PACS2: variants seen among roughly 807,000 people sequenced by gnomAD.
PACS2 encodes the protein phosphofurin acidic cluster sorting protein 2.
Under a neutral mutation model 113.0 loss-of-function variants are expected in PACS2, and 36 were observed. The ratio of observed to expected loss-of-function variants is 0.32; its 90% CI spans 0.24 to 0.42. The LOEUF (loss-of-function observed/expected upper bound fraction) is 0.42, where lower values mean the gene tolerates loss of function less well. Among genes scored for constraint, PACS2 ranks in the 10% least tolerant of loss-of-function variants. The pLI, the probability that PACS2 is intolerant of heterozygous loss-of-function variation, is 1.00. For synonymous variants in PACS2, 589 were observed against 536.1 expected (o/e 1.10, Z -1.36); for missense variants, 1,015 against 1,239.5 (o/e 0.82, Z 2.72).
In PACS2 at chr14:105,356,139, G is replaced by A. The variant is rs1297688299; in HGVS notation, c.423+962G>A. On this transcript the variant is annotated intron_variant, in intron 4 of 24. Transcript: ENST00000447393. This position sits in a 1 kb window ranked among gnomAD's most constrained non-coding sequence, Gnocchi z 4.0. ...TGGGGCTTGGGGCTGGGACAGTGGG[G>A]GTGCCCACTTGTAGCTGGTTCCCCC... is the stretch of plus-strand genomic sequence containing the variant. 6.6e-6 allele frequency among the ~76,000 whole-genome samples: 1 copy of A among 152,090 alleles called. No homozygotes were observed. Among genetic ancestry groups the A allele is most frequent in the African/African-American group, 2.4e-5 (1 of 41,410 alleles).
At position 105,320,125 on chromosome 14, in the gene PACS2, G is replaced by A. The variant is rs587610040; in HGVS notation, c.119+5088G>A. ...CCCAAGTAGCTGGGACTACAGGTGT[G>A]CACCACCACGCCCAGCGAATTTTTG... On this transcript the variant is annotated intron_variant, in intron 1 of 24. Coordinates refer to ENST00000447393, the MANE Select transcript of PACS2 (RefSeq NM_001100913.3). Among the ~76,000 whole-genome samples, 28 of 151,606 alleles carry A rather than the reference G, an allele frequency of 1.8e-4. No individual in the cohort carries two copies. In the South Asian group the frequency reaches 5.9e-3, roughly 32 times the overall value.
chr14:105,368,554 C>T lies in PACS2; in HGVS notation c.741+15C>T, dbSNP rs587625642. On this transcript the variant is annotated intron_variant, in intron 7 of 24. Coordinates refer to ENST00000447393, the MANE Select transcript of PACS2 (RefSeq NM_001100913.3). ...CCATGACCAGGGTTGGTGGAGACTGCTTCTATGAATGCTGGGGAAGGCGAG... is the reference window on the plus strand; with the variant it reads ...CCATGACCAGGGTTGGTGGAGACTGTTTCTATGAATGCTGGGGAAGGCGAG... 1 of 1,601,372 alleles carries T rather than the reference C, an allele frequency of 6.2e-7. No individual in the cohort carries two copies. The highest frequency in any genetic ancestry group is 1.1e-5 in the South Asian group (1 of 90,838).
At position 105,349,196 on chromosome 14, in the gene PACS2, C is replaced by T. The variant is rs78972882; in HGVS notation, c.207+616C>T. Among the ~76,000 whole-genome samples, 1,092 of 152,358 alleles carry T rather than the reference C, an allele frequency of 7.2e-3. 7 individuals carry two copies. Among genetic ancestry groups the T allele is most frequent in the African/African-American group, 0.025 (1,036 of 41,592 alleles). On this transcript the variant is annotated intron_variant, in intron 2 of 24. Transcript: ENST00000447393. ...CCAGTGGCCCAGACAGGGAGGTGTC[C>T]CCGCCAACTGTCAGGGCCACCCCTG...
intron 1 of PACS2, among the ~76,000 whole-genome samples, chr14:105,338,385 C>T (rs587598767): frequency 2.6e-5 from 4 of 152,296 alleles, no homozygotes; most frequent in Admixed American, 1.3e-4. Flanking sequence ...TTCCTTCTCC[C>T]GGAAGTCCCT....
rs1320855343 is a variant in PACS2 at position 105,324,562 on chromosome 14, G to A, written c.119+9525G>A. On this transcript the variant is annotated intron_variant, in intron 1 of 24. Coordinates refer to ENST00000447393, the MANE Select transcript of PACS2 (RefSeq NM_001100913.3). The surrounding 1 kb of genome is among the most constrained non-coding windows in gnomAD (Gnocchi z 4.7). ...CCTAAAAATAGCCGAGCGCTGAGAG[G>A]CCGTCCCTTTCTGCTCCGCAGGCGC... is the stretch of plus-strand genomic sequence containing the variant. Among the ~76,000 whole-genome samples, 1 of 152,212 alleles carries A rather than the reference G, an allele frequency of 6.6e-6. No homozygotes were observed. Among genetic ancestry groups the A allele is most frequent in the African/African-American group, 2.4e-5 (1 of 41,460 alleles).
At chr14:105,333,839 C>G (rs2059397373) in intron 1 of PACS2, among the ~76,000 whole-genome samples, 1 of 152,212 alleles carries the variant, frequency 6.6e-6, no homozygotes, top group Non-Finnish European at 1.5e-5. Flanking sequence ...CCCCGGAGGC[C>G]TGCAGTGTGA....
At position 105,339,442 on chromosome 14, in the gene PACS2, G is replaced by A. The variant is rs368096270; in HGVS notation, c.120-9051G>A. On this transcript the variant is annotated intron_variant, in intron 1 of 24. Transcript: ENST00000447393. ...GAATGGCTTGAACCCGGGGGCAGAG[G>A]TTGCAGTGAGCTGAGATCATGCCAT... Among the ~76,000 whole-genome samples the A allele has an allele frequency of 3.3e-5, 5 of 151,564 alleles. No homozygotes were observed. In the East Asian group the frequency reaches 9.7e-4, roughly 29 times the overall value.
intron 1 of PACS2, chr14:105,301,217 A>C (rs1329139737): frequency 7.3e-5 from 11 of 150,984 alleles, no homozygotes; most frequent in Admixed American, 7.3e-4. Flanking sequence ...CGGGGACTAA[A>C]GCTGGACGCG....
At position 105,389,943 on chromosome 14, in the gene PACS2, C is replaced by G. The variant is rs781997989; in HGVS notation, c.2034-18C>G. On this transcript the variant is annotated intron_variant, in intron 19 of 24. Transcript: ENST00000447393. ...TGTGCCCTGAGGAGAGCTTAACTGT[C>G]TGTTTCCTTGCTCTTAGCCCTGACG... 6.2e-7 allele frequency: 1 copy of G among 1,612,352 alleles called. No homozygotes were observed. Among genetic ancestry groups the G allele is most frequent in the South Asian group, 1.1e-5 (1 of 91,048 alleles).
At chr14:105,378,223 A>G (rs2080854656) in intron 9 of PACS2, among the ~76,000 whole-genome samples, 2 of 152,006 alleles carry the variant, frequency 1.3e-5, no homozygotes, top group Admixed American at 1.3e-4. Context: ...TCCCATCTTA[A>G]ACTCCGTGGT....
At chr14:105,364,321 G>C (rs2060849195) in intron 4 of PACS2, among the ~76,000 whole-genome samples, 1 of 139,722 alleles carries the variant, frequency 7.2e-6, no homozygotes, top group Non-Finnish European at 1.5e-5. Flanking sequence ...CCGGGTGCGC[G>C]GTGGGCGGCG....
chr14:105,305,113 G>A (rs914690516), intron 1 of PACS2, among the ~76,000 whole-genome samples: 4 of 152,164 alleles, frequency 2.6e-5, no homozygotes, highest in African/African-American at 9.7e-5. Context: ...CCTCAGAAAA[G>A]TGGCTGGCTG....
At chr14:105,352,877 TC>T (rs2060258330) in intron 3 of PACS2, among the ~76,000 whole-genome samples, 1 of 43,634 alleles carries the variant, frequency 2.3e-5, no homozygotes, top group Non-Finnish European at 4.3e-5. Flanking sequence ...CGGGCACGCC[TC>T]ATCACTGTCC....
intron 19 of PACS2, among the ~76,000 whole-genome samples, chr14:105,386,754 C>T (rs587638622): frequency 7.4e-4 from 113 of 152,278 alleles, no homozygotes; most frequent in African/African-American, 2.1e-3. Context: ...GGACCACCCA[C>T]AGCTGTAGGG....
chr14:105,316,763 C>T (rs1254240760), intron 1 of PACS2, among the ~76,000 whole-genome samples: 8 of 151,174 alleles, frequency 5.3e-5, no homozygotes, highest in African/African-American at 1.7e-4. Context: ...ATGGGGGCAC[C>T]TGGGCTGGGT....
Position 105,354,974 on chromosome 14 carries a change from T to A in PACS2, c.298-78T>A. On this transcript the variant is annotated intron_variant, in intron 3 of 24. Transcript: ENST00000447393. The surrounding 1 kb of genome is among the most constrained non-coding windows in gnomAD (Gnocchi z 4.2). ...GTTGGCCTGGTCGCAGGCTGCAGGGTGGCTGGGCCGTCAGAGGCCGTGATG... is the reference window on the plus strand; with the variant it reads ...GTTGGCCTGGTCGCAGGCTGCAGGGAGGCTGGGCCGTCAGAGGCCGTGATG... 2 of 1,488,328 alleles carry A rather than the reference T, an allele frequency of 1.3e-6. No individual in the cohort carries two copies. The highest frequency in any genetic ancestry group is 1.2e-5 in the South Asian group (1 of 81,546). 92.2% of individuals were successfully genotyped at this position (1,488,328 alleles called of 1,614,324 possible).
intron 8 of PACS2, chr14:105,370,155 G>A (rs1323999278): frequency 2.3e-6 from 1 of 429,146 alleles, no homozygotes; most frequent in Non-Finnish European, 4.2e-6. Flanking sequence ...TCAGGGGGAT[G>A]TAACCATTAG....
chr14:105,335,740 G>C (rs2059491384), intron 1 of PACS2, among the ~76,000 whole-genome samples: 1 of 152,232 alleles, frequency 6.6e-6, no homozygotes. Flanking sequence ...CTGACCTTCT[G>C]TCCTCATTAG....
chr14:105,391,521 G>GCCCCCCCCCC, intron 21 of PACS2, 110 bp from the exon 22 acceptor site: 1 of 413,386 alleles, frequency 2.4e-6, no homozygotes, highest in Non-Finnish European at 4.5e-6. Flanking sequence ...CTCCCACCCT[G>GCCCCCCCCCC]CCCACCCCCA....
Sources: allele counts gnomAD v4.1 joint callset (sites outside exome capture counted in the v4.1 genomes callset), GRCh38; gene constraint gnomAD v4.1.1; non-coding constraint Gnocchi (gnomAD v3.1); transcripts MANE v1.5; gene names NCBI Gene and HGNC (gene_info 2026-07-23, HGNC 2026-07-21).